The following POLK variants were observed in gnomAD, a reference collection of about 807,000 sequenced individuals.
POLK encodes the protein polymerase (DNA directed) kappa.
A neutral mutation model predicts 94.0 loss-of-function variants in POLK; 76 were observed. The ratio of observed to expected loss-of-function variants is 0.81; its 90% confidence interval spans 0.67 to 0.98. The LOEUF (loss-of-function observed/expected upper bound fraction) is 0.98, where lower values mean the gene tolerates loss of function less well. Ranked by LOEUF, POLK falls within the 50% of genes least tolerant of loss-of-function variation. POLK has a pLI of 0.00. For missense variants in POLK, 954 were observed against 1,010.1 expected, an observed-to-expected ratio of 0.94 and a Z score of 0.75; for synonymous variants, 349 against 325.4, an observed-to-expected ratio of 1.07 and a Z score of -0.78.
intron 1 of POLK, among the ~76,000 whole-genome samples, chr5:75,530,196 AT>A (rs1042928727): frequency 9.1e-5 from 13 of 143,034 alleles, no homozygotes; most frequent in African/African-American, 3.4e-4. Context: ...ATTTTTCTTT[AT>A]GTTTCTCACA....
At chr5:75,570,723 A>G (rs1170298183) in intron 4 of POLK, among the ~76,000 whole-genome samples, 1 of 152,220 alleles carries the variant, frequency 6.6e-6, no homozygotes, top group East Asian at 1.9e-4. Flanking sequence ...AGCAACTAAA[A>G]TAGATGAGAT....
chr5:75,535,963 A>G (rs1769421738), intron 1 of POLK, among the ~76,000 whole-genome samples: 3 of 152,294 alleles, frequency 2.0e-5, no homozygotes, highest in South Asian at 4.1e-4. Flanking sequence ...ATTTCAGCCT[A>G]GTTAAGAACC....
intron 1 of POLK, among the ~76,000 whole-genome samples, chr5:75,537,670 CA>C (rs1367594119): frequency 6.6e-6 from 1 of 152,090 alleles, no homozygotes; most frequent in Non-Finnish European, 1.5e-5. Context: ...AGAAGCAGGT[CA>C]CTTAATTACA....
chr5:75,592,289 G>A (rs905495771), intron 11 of POLK, among the ~76,000 whole-genome samples: 4 of 152,186 alleles, frequency 2.6e-5, no homozygotes, highest in Admixed American at 6.5e-5. Context: ...TTCATAAGTC[G>A]TTTTCAGTGA....
chr5:75,584,831 C>T (rs1051540022), exon 9 of POLK: 3 of 1,599,142 alleles, frequency 1.9e-6, no homozygotes, highest in Admixed American at 3.4e-5. Context: ...CAGAACTTTA[C>T]CAACAGAGGG....
At chr5:75,532,372 A>G (rs188824677) in intron 1 of POLK, among the ~76,000 whole-genome samples, 2 of 151,676 alleles carry the variant, frequency 1.3e-5, no homozygotes, top group East Asian at 3.9e-4. Context: ...TAGTATGATG[A>G]CCTCCAGCTC....
chr5:75,545,966 G>A (rs953239831), intron 1 of POLK, among the ~76,000 whole-genome samples: 2 of 152,182 alleles, frequency 1.3e-5, no homozygotes, highest in Admixed American at 6.5e-5. Context: ...CGTAAGCATA[G>A]TAGCTAGAAT....
chr5:75,597,107 G>C (rs1411890444), exon 13 of POLK: 2 of 1,612,856 alleles, frequency 1.2e-6, no homozygotes, highest in South Asian at 2.2e-5. Context: ...TTAAATAAAA[G>C]TTTTATCCAA....
At chr5:75,511,683 C>T (rs1482533400), upstream of POLK, 16 of 1,532,986 alleles carry the variant, frequency 1.0e-5, no homozygotes, top group South Asian at 1.2e-5. Flanking sequence ...TTCTCCCCCA[C>T]TACTCCCCGC....
rs1772922166 is a variant in POLK at position 75,593,872 on chromosome 5, T to A, written c.1357-6T>A. 1 of 1,507,212 alleles carries A rather than the reference T, an allele frequency of 6.6e-7. No individual in the cohort carries two copies. Among genetic ancestry groups the A allele is most frequent in the South Asian group, 1.2e-5 (1 of 85,432 alleles). The allele number at this position is 1,507,212 out of a possible 1,614,324, so 93.4% of individuals were successfully genotyped here. ...ATAAATAAATAACATATTGTATATG[T>A]TATAGGGTAGAACTGTTACCATTAA... On this transcript the variant is annotated splice_polypyrimidine_tract_variant and splice_region_variant and intron_variant, in intron 11 of 14. Coordinates refer to ENST00000241436, the Ensembl canonical transcript of POLK.
chr5:75,569,734 T>G (rs1340705316), intron 4 of POLK, among the ~76,000 whole-genome samples: 1 of 152,122 alleles, frequency 6.6e-6, no homozygotes, highest in Admixed American at 6.5e-5. Context: ...CAACAGGAGG[T>G]GAGCGTCAGG....
intron 3 of POLK, among the ~76,000 whole-genome samples, chr5:75,561,358 G>A (rs955965105): frequency 6.6e-6 from 1 of 151,928 alleles, no homozygotes; most frequent in African/African-American, 2.4e-5. Flanking sequence ...GGGTTGTTTG[G>A]TTTTTTCTTG....
At chr5:75,513,626 C>T (rs551695147) in intron 1 of POLK, among the ~76,000 whole-genome samples, 7 of 152,268 alleles carry the variant, frequency 4.6e-5, no homozygotes, top group Admixed American at 1.3e-4. Flanking sequence ...AATATTCTTA[C>T]TATTCAATGA....
intron 3 of POLK, among the ~76,000 whole-genome samples, chr5:75,552,927 G>A (rs1233598574): frequency 1.3e-5 from 2 of 152,088 alleles, no homozygotes; most frequent in African/African-American, 4.8e-5. Context: ...ATACATCGCA[G>A]CTAGAAAAGG....
intron 6 of POLK, 46 bp downstream of exon 6, chr5:75,576,979 A>G: frequency 8.2e-7 from 1 of 1,214,578 alleles, no homozygotes; most frequent in Non-Finnish European, 1.1e-6. Context: ...AGTGAAAAAA[A>G]AAAACCCACA....
chr5:75,517,290 TTTTA>T (rs1768367335), intron 1 of POLK, among the ~76,000 whole-genome samples: 2 of 152,190 alleles, frequency 1.3e-5, no homozygotes, highest in Non-Finnish European at 2.9e-5. Context: ...ATATCTTTCC[TTTTA>T]TTTGTGTCTT....
intron 3 of POLK, among the ~76,000 whole-genome samples, chr5:75,566,378 T>G (rs549843209): frequency 6.6e-6 from 1 of 152,276 alleles, no homozygotes; most frequent in African/African-American, 2.4e-5. Flanking sequence ...AATGAACGGT[T>G]CTGTCTCTCT....
intron 1 of POLK, among the ~76,000 whole-genome samples, chr5:75,527,269 C>A (rs2112557790): frequency 6.6e-6 from 1 of 152,088 alleles, no homozygotes; most frequent in Middle Eastern, 3.4e-3. Context: ...AATCTCAGCA[C>A]TGTGGGAGGC....
In POLK at chr5:75,540,640, TAAAA is replaced by T. The variant is rs1296897050; in HGVS notation, c.-13-6367_-13-6364del. Among the ~76,000 whole-genome samples, 3 of 152,304 alleles carry T rather than the reference TAAAA, an allele frequency of 2.0e-5. 1 individual carries two copies. The highest frequency in any genetic ancestry group is 1.3e-4 in the Admixed American group (2 of 15,290). Reference sequence around the variant, plus strand: ...TTGTAATATTCTAGATTGTAGAGCTTAAAAAATACAGTACCAAAAAAGGTACTAC... The same window carrying T: ...TTGTAATATTCTAGATTGTAGAGCTTAATACAGTACCAAAAAAGGTACTAC... On this transcript the variant is annotated intron_variant, in intron 1 of 14. Coordinates refer to ENST00000241436, the Ensembl canonical transcript of POLK.
Sources: allele counts gnomAD v4.1 joint callset (sites outside exome capture counted in the v4.1 genomes callset), GRCh38; gene constraint gnomAD v4.1.1; transcripts MANE v1.5; gene names NCBI Gene and HGNC (gene_info 2026-07-23, HGNC 2026-07-21).